ZNF831: variants seen among roughly 807,000 people sequenced by gnomAD.
The protein encoded by ZNF831 is chromosome 20 open reading frame 174.
Under a neutral mutation model 95.8 loss-of-function variants are expected in ZNF831, and 59 were observed. The ratio of observed to expected loss-of-function variants is 0.62; its 90% CI spans 0.50 to 0.77. The LOEUF (loss-of-function observed/expected upper bound fraction) is 0.77, where lower values mean the gene tolerates loss of function less well. ZNF831 is among the 30% of genes least tolerant of loss of function. The pLI is 0.00. For missense variants in ZNF831, 2,205 were observed against 2,164.0 expected (o/e 1.02, Z -0.38); for synonymous variants, 961 against 925.5 (o/e 1.04, Z -0.70).
Position 59,148,802 on chromosome 20 carries a change from C to T in ZNF831, c.-1281+2428C>T, listed in dbSNP as rs893397803. On this transcript the variant is annotated intron_variant, in intron 2 of 7. Transcript: ENST00000637017. ...GCTCAATTCCATCCTGTCACCCAGC[C>T]AGGAGATTCAGAGGTCCTGCAGCCT... Among the ~76,000 whole-genome samples the T allele has an allele frequency of 4.0e-5, 6 of 149,584 alleles. No individual in the cohort carries two copies. In the East Asian group the frequency reaches 1.0e-3, roughly 26 times the overall value.
At position 59,193,647 on chromosome 20, in the gene ZNF831, G is replaced by A. The variant is rs2146586940; in HGVS notation, c.2628G>A (p.Val876=). 1.2e-6 allele frequency: 2 copies of A among 1,612,880 alleles called. No homozygotes were observed. Among genetic ancestry groups the A allele is most frequent in the Non-Finnish European group, 1.7e-6 (2 of 1,179,788 alleles). ...PGGSKESARQ[V]GEPLESSGAS... ...GCTCAAAGGAGAGTGCCAGGCAGGT[G>A]GGCGAGCCTCTGGAGTCCTCTGGAG... Residue 876 remains valine (V), a synonymous_variant, in exon 2 of 6, where the codon GTG becomes GTA. Transcript: ENST00000371030.
In ZNF831 at chr20:59,207,009, G is replaced by T. The variant is rs368118834; in HGVS notation, c.3980G>T (p.Gly1327Val). 4.0e-5 allele frequency: 65 copies of T among 1,614,204 alleles called. No homozygotes were observed. In the African/African-American group the frequency reaches 7.7e-4, roughly 19 times the overall value. Residue 1327 changes from glycine to valine, a missense_variant, in exon 4 of 6, where the codon GGA (glycine) becomes GTA (valine). Transcript: ENST00000371030. ...AGCCGCCACCCTCCCGCACTTGAGG[G>T]ACTGAAGCCATGCAGGACCCCTGGG... ...RRSRHPPALEGLKPCRTPGQT... is the reference protein window; with the variant it reads ...RRSRHPPALEVLKPCRTPGQT...
chr20:59,163,014 G>GGTTTGTGT (rs372481661), upstream of ZNF831, among the ~76,000 whole-genome samples: 86 of 136,530 alleles, frequency 6.3e-4, no homozygotes, highest in African/African-American at 8.2e-4. Context: ...TGTATTCCTA[G>GGTTTGTGT]GTGTGTGTGT....
rs2146552375 is a variant in ZNF831, at chr20:59,191,711, A to G, written c.692A>G (p.Glu231Gly). 1 of 1,574,166 alleles carries G rather than the reference A, an allele frequency of 6.4e-7. No homozygotes were observed. The highest frequency in any genetic ancestry group is 1.3e-5 in the African/African-American group (1 of 74,094). The change falls in exon 2 of 6, where the codon GAG (glutamate) becomes GGG (glycine). Residue 231 changes from glutamate (E) to glycine (G), a missense_variant. Transcript: ENST00000371030. ...CCCCCCAGACCAGAGGGCAGGGGCG[A>G]GAGCAGGTGCCAGGGGATGCACGAA... ...GEPPRPEGRG[E>G]SRCQGMHEGA...
At chr20:59,211,779 TTGTGTGTG>T (rs11472424) in intron 4 of ZNF831, among the ~76,000 whole-genome samples, 4 of 146,786 alleles carry the variant, frequency 2.7e-5, no homozygotes, top group Admixed American at 6.8e-5. Context: ...GGAGCTGACC[TTGTGTGTG>T]TGTGTGTGTG....
At chr20:59,166,515 A>G (rs914547656) in intron 1 of ZNF831, among the ~76,000 whole-genome samples, 1 of 152,160 alleles carries the variant, frequency 6.6e-6, no homozygotes, top group African/African-American at 2.4e-5. Flanking sequence ...AAGATACAGA[A>G]CATTTCTGTC....
intron 1 of ZNF831, among the ~76,000 whole-genome samples, chr20:59,182,353 T>C (rs182174128): frequency 6.6e-6 from 1 of 152,350 alleles, no homozygotes; most frequent in Admixed American, 6.5e-5. Flanking sequence ...CATTATGCTG[T>C]GATCAGTGCT....
intron 4 of ZNF831, 106 bp downstream of exon 4, chr20:59,207,162 C>A: frequency 7.1e-7 from 1 of 1,398,934 alleles, no homozygotes; most frequent in Non-Finnish European, 9.7e-7. Flanking sequence ...CCAAGTGCCA[C>A]AGGGGTCAGG....
At chr20:59,239,270 A>G (rs1987177189) in intron 4 of ZNF831, among the ~76,000 whole-genome samples, 1 of 152,034 alleles carries the variant, frequency 6.6e-6, no homozygotes, top group Non-Finnish European at 1.5e-5. Context: ...TTGGATGTTC[A>G]TGCAATTTTC....
chr20:59,205,552 G>A (rs561207864), intron 3 of ZNF831, among the ~76,000 whole-genome samples: 2 of 152,356 alleles, frequency 1.3e-5, no homozygotes, highest in South Asian at 4.1e-4. Flanking sequence ...GGAAAAACCA[G>A]TGCCCAAGAG....
intron 4 of ZNF831, among the ~76,000 whole-genome samples, chr20:59,213,218 C>T (rs1260467925): frequency 6.6e-6 from 1 of 152,166 alleles, no homozygotes; most frequent in East Asian, 1.9e-4. Context: ...ATGTCCTCAT[C>T]AATACTTGAC....
At chr20:59,139,622 TCTTTTAACCC>T (rs1258509523) in intron 1 of ZNF831, among the ~76,000 whole-genome samples, 1 of 152,152 alleles carries the variant, frequency 6.6e-6, no homozygotes, top group African/African-American at 2.4e-5. Context: ...AATGGAGCCC[TCTTTTAACCC>T]CTATGAATGT....
chr20:59,245,291 T>C (rs891669442), intron 4 of ZNF831, among the ~76,000 whole-genome samples: 6 of 152,190 alleles, frequency 3.9e-5, no homozygotes, highest in Non-Finnish European at 1.5e-5. Context: ...TTTTGATTTT[T>C]CTCCTGAAAA....
intron 4 of ZNF831, among the ~76,000 whole-genome samples, chr20:59,238,378 G>A (rs1211617810): frequency 1.3e-5 from 2 of 152,116 alleles, no homozygotes; most frequent in East Asian, 1.9e-4. Context: ...TGGAATCAGT[G>A]CATCTCGATT....
chr20:59,192,392 C>T lies in ZNF831; in HGVS notation c.1373C>T (p.Ala458Val), dbSNP rs2146564852. The T allele has an allele frequency of 1.2e-6, 2 of 1,612,146 alleles. No individual in the cohort carries two copies. The highest frequency in any genetic ancestry group is 8.5e-7 in the Non-Finnish European group (1 of 1,179,542). ...GACTCCTTCCACTTTGACATCCGCG[C>T]GCTGGAGCCAGGCCGTAGGAGGGCC... ...YKDSFHFDIR[A>V]LEPGRRRAPG... Residue 458 changes from alanine to valine, a missense_variant, in exon 2 of 6, where the codon GCG becomes GTG. By Grantham distance (64) the Ala-to-Val change is moderately conservative. Transcript: ENST00000371030. This position sits in a 1 kb window ranked among gnomAD's most constrained non-coding sequence, Gnocchi z 5.2.
chr20:59,192,424 C>G lies in ZNF831; in HGVS notation c.1405C>G (p.Pro469Ala). Residue 469 changes from proline to alanine, a missense_variant, in exon 2 of 6, where the codon CCC becomes GCC. Physicochemically the swap from Pro to Ala is conservative, Grantham distance 27. Transcript: ENST00000371030. The surrounding 1 kb of genome is among the most constrained non-coding windows in gnomAD (Gnocchi z 5.2). The stretch of plus-strand genomic sequence containing the variant: ...GCCAGGCCGTAGGAGGGCCCCGGGC[C>G]CCGTGCGCTCCACCTGGACGCCCCC... ...LEPGRRRAPG[P>A]VRSTWTPPDK... 6.2e-7 allele frequency: 1 copy of G among 1,610,028 alleles called. No individual in the cohort carries two copies. The highest frequency in any genetic ancestry group is 8.5e-7 in the Non-Finnish European group (1 of 1,178,522).
rs762436393 is a variant in ZNF831, at chr20:59,169,793, G to A, written c.-37+5586G>A. 1.3e-4 allele frequency among the ~76,000 whole-genome samples: 20 copies of A among 152,042 alleles called. No individual in the cohort carries two copies. Among genetic ancestry groups the A allele is most frequent in the South Asian group, 2.1e-4 (1 of 4,816 alleles). On this transcript the variant is annotated intron_variant, in intron 1 of 5. Transcript: ENST00000371030. The surrounding 1 kb of genome is among the most constrained non-coding windows in gnomAD (Gnocchi z 4.1). The stretch of plus-strand genomic sequence containing the variant: ...CAGACACCTGTAATCCCAGCTACTC[G>A]GGAGGCTGAGGCAGGAGAATGTTTT...
intron 1 of ZNF831, among the ~76,000 whole-genome samples, chr20:59,123,819 C>G (rs1366700555): frequency 1.3e-5 from 2 of 152,164 alleles, no homozygotes; most frequent in Admixed American, 1.3e-4. Flanking sequence ...AGGAGTGTCT[C>G]TAATCGGGGC....
chr20:59,236,984 G>A (rs564899363), intron 4 of ZNF831, among the ~76,000 whole-genome samples: 6 of 152,126 alleles, frequency 3.9e-5, no homozygotes, highest in Non-Finnish European at 5.9e-5. Context: ...CACCTCATCC[G>A]GAACTCCAGG....
Sources: gnomAD v4.1 joint callset for allele counts (sites outside exome capture counted in the v4.1 genomes callset) on GRCh38, gnomAD v4.1.1 for gene constraint, Gnocchi (gnomAD v3.1) non-coding constraint, MANE v1.5 for transcripts, NCBI Gene and HGNC (gene_info 2026-07-23, HGNC 2026-07-21) for gene names.